MCCC2: variants seen among roughly 807,000 people sequenced by gnomAD.
The protein encoded by MCCC2 is methylcrotonoyl-CoA carboxylase beta chain, mitochondrial.
Under a neutral mutation model 77.2 loss-of-function variants are expected in MCCC2, and 52 were observed. The observed-to-expected ratio is 0.67, with a 90% CI of 0.54 to 0.85. MCCC2 has a LOEUF of 0.85. Among genes scored for constraint, MCCC2 ranks in the 40% least tolerant of loss-of-function variants. The pLI, the probability that MCCC2 is intolerant of heterozygous loss-of-function variation, is 0.00. For synonymous variants in MCCC2, 253 were observed against 248.4 expected (o/e 1.02, Z -0.18); for missense variants, 682 against 703.2 (o/e 0.97, Z 0.34).
intron 7 of MCCC2, 149 bp from the exon 8 acceptor site, chr5:71,631,972 C>G: frequency 1.3e-6 from 1 of 755,398 alleles, no homozygotes; most frequent in South Asian, 1.4e-5. Flanking sequence ...TCCAGGTTTC[C>G]TAGGTGCATG....
At chr5:71,604,596 T>TA (rs201314582) in intron 6 of MCCC2, 128 bp downstream of exon 6, 9 of 752,180 alleles carry the variant, frequency 1.2e-5, no homozygotes, top group East Asian at 2.8e-5. Flanking sequence ...TTTTTTTTTT[T>TA]ATACTTTAGG....
At chr5:71,646,134 T>C (rs1385011921) in intron 12 of MCCC2, 77 bp from the exon 13 acceptor site, 1 of 1,241,946 alleles carries the variant, frequency 8.1e-7, no homozygotes, top group Non-Finnish European at 1.2e-6. Flanking sequence ...TTGGCTGAAG[T>C]TGTGGTGTTT....
intron 1 of MCCC2, among the ~76,000 whole-genome samples, chr5:71,588,903 C>G (rs1262211875): frequency 6.6e-6 from 1 of 151,998 alleles, no homozygotes; most frequent in Non-Finnish European, 1.5e-5. Flanking sequence ...ATCTTCCATG[C>G]AAAAGCCACA....
intron 15 of MCCC2, among the ~76,000 whole-genome samples, chr5:71,651,747 C>T (rs1264995172): frequency 6.6e-6 from 1 of 152,044 alleles, no homozygotes; most frequent in Non-Finnish European, 1.5e-5. Context: ...GATAGCTTTG[C>T]TTTTGTGCGA....
intron 1 of MCCC2, among the ~76,000 whole-genome samples, chr5:71,588,183 C>T (rs1744836771): frequency 6.6e-6 from 1 of 150,938 alleles, no homozygotes; most frequent in Non-Finnish European, 1.5e-5. Context: ...GCAGGGGAAT[C>T]GCTTGAACTT....
intron 12 of MCCC2, 99 bp downstream of exon 12, chr5:71,643,994 A>T: frequency 2.1e-6 from 3 of 1,438,298 alleles, no homozygotes; most frequent in Non-Finnish European, 1.9e-6. Flanking sequence ...AAAATGCTTA[A>T]CTAGATGCCT....
intron 8 of MCCC2, among the ~76,000 whole-genome samples, chr5:71,634,630 G>T (rs1746853574): frequency 6.6e-6 from 1 of 152,168 alleles, no homozygotes; most frequent in Non-Finnish European, 1.5e-5. Context: ...AAGGCCCCTT[G>T]GTCTAGCAGA....
chr5:71,640,748 C>G (rs1483390324), intron 10 of MCCC2, among the ~76,000 whole-genome samples: 1 of 152,256 alleles, frequency 6.6e-6, no homozygotes, highest in South Asian at 2.1e-4. Flanking sequence ...AGCAACCAGC[C>G]CTTGGAGCCT....
At position 71,657,109 on chromosome 5, in the gene MCCC2, G is replaced by A. The variant is rs1747602685; in HGVS notation, c.*249G>A. On this transcript the variant is annotated 3_prime_UTR_variant, in exon 17 of 17. Coordinates refer to ENST00000340941, the MANE Select transcript of MCCC2 (RefSeq NM_022132.5). ...CATAAAGCGGAGACAGTAATTTACG[G>A]TTATCCTTTCTGACCCACAAAGTAT... 1 of 432,232 alleles carries A rather than the reference G, an allele frequency of 2.3e-6. No individual in the cohort carries two copies. The highest frequency in any genetic ancestry group is 2.0e-5 in the African/African-American group (1 of 50,006). The allele number at this position is 432,232 out of a possible 1,614,324, so 26.8% of individuals were successfully genotyped here.
chr5:71,637,003 C>T lies in MCCC2; in HGVS notation c.999+1757C>T, dbSNP rs562007805. 4.6e-5 allele frequency among the ~76,000 whole-genome samples: 7 copies of T among 152,068 alleles called. No individual in the cohort carries two copies. The South Asian group carries it at 1.0e-3, about 23-fold the overall frequency. On this transcript the variant is annotated intron_variant, in intron 10 of 16. Coordinates refer to ENST00000340941, the MANE Select transcript of MCCC2 (RefSeq NM_022132.5). The stretch of plus-strand genomic sequence containing the variant: ...AGGTGATCCGCCCACCTCAGCCTTC[C>T]GAAGTGCTGGGATTACAGATGTGAG...
intron 1 of MCCC2, among the ~76,000 whole-genome samples, chr5:71,589,177 T>C (rs1309248752): frequency 1.3e-5 from 2 of 152,200 alleles, no homozygotes; most frequent in Non-Finnish European, 2.9e-5. Context: ...AATGGATGAC[T>C]TTGGAGTTTC....
Position 71,587,515 on chromosome 5 carries a change from G to A in MCCC2, c.90G>A (p.Ser30=), listed in dbSNP as rs559384926. The change falls in exon 1 of 17, where the codon TCG becomes TCA. Residue 30 remains serine, a synonymous_variant. Coordinates refer to ENST00000340941, the MANE Select transcript of MCCC2 (RefSeq NM_022132.5). ...PRAYHGDSVA[S]LGTQPDLGSA... ...CCTATCACGGGGACTCGGTGGCCTC[G>A]CTGGGCACCCAGCCGGACTTGGGCT... 4.6e-6 allele frequency: 7 copies of A among 1,538,188 alleles called. No homozygotes were observed. In the South Asian group the frequency reaches 5.9e-5, roughly 13 times the overall value.
In MCCC2 at chr5:71,646,246, T is replaced by C. The variant is rs780402148; in HGVS notation, c.1185T>C (p.Asn395=). ...TTGTCCAGTTATGCTGCCAAAGAAA[T>C]ATTCCTCTGCTGTTCCTTCAAAACA... ...THFVQLCCQR[N]IPLLFLQNIT... The change falls in exon 13 of 17, where the codon AAT becomes AAC. Residue 395 remains asparagine (N), a synonymous_variant. Transcript: ENST00000340941. 4 of 1,613,770 alleles carry C rather than the reference T, an allele frequency of 2.5e-6. No individual in the cohort carries two copies. In the African/African-American group the frequency reaches 4.0e-5, roughly 16 times the overall value.
chr5:71,590,109 A>AACACAC (rs145490017), intron 1 of MCCC2, among the ~76,000 whole-genome samples: 6 of 151,214 alleles, frequency 4.0e-5, no homozygotes, highest in African/African-American at 1.2e-4. Context: ...AGGTGATTAA[A>AACACAC]ACACACACAC....
At chr5:71,648,166 T>G (rs898299208) in intron 13 of MCCC2, among the ~76,000 whole-genome samples, 1 of 152,080 alleles carries the variant, frequency 6.6e-6, no homozygotes, top group African/African-American at 2.4e-5. Context: ...GAGGAACTGG[T>G]TGGGTTGAAT....
In MCCC2 at chr5:71,606,558, A is replaced by G. The variant is rs1745684706; in HGVS notation, c.624+2090A>G. On this transcript the variant is annotated intron_variant, in intron 6 of 16. Transcript: ENST00000340941. The stretch of plus-strand genomic sequence containing the variant: ...TGACTTCCTCTTTTCCTAATTGAAT[A>G]CCCTTTATTTCCTTCTCCTGCCTAA... Among the ~76,000 whole-genome samples, 3 of 113,130 alleles carry G rather than the reference A, an allele frequency of 2.7e-5. No individual in the cohort carries two copies. In the South Asian group the frequency reaches 1.0e-3, roughly 39 times the overall value. The allele number at this position is 113,130 out of a possible 152,430, so 74.2% of individuals were successfully genotyped here.
At chr5:71,641,144 A>AAAGTCTTGAAACAAG in intron 11 of MCCC2, 69 bp downstream of exon 11, 1 of 1,417,654 alleles carries the variant, frequency 7.1e-7, no homozygotes, top group Non-Finnish European at 1.0e-6. Context: ...CTCTTGTTTC[A>AAAGTCTTGAAACAAG]AGACTTTGAT....
At chr5:71,596,800 C>G (rs1484967148) in intron 3 of MCCC2, among the ~76,000 whole-genome samples, 3 of 151,930 alleles carry the variant, frequency 2.0e-5, no homozygotes, top group Non-Finnish European at 2.9e-5. Context: ...ATTAGCTGGG[C>G]ATGGTGGCAT....
intron 16 of MCCC2, among the ~76,000 whole-genome samples, chr5:71,654,504 G>A (rs1423221273): frequency 1.3e-5 from 2 of 151,974 alleles, no homozygotes; most frequent in East Asian, 1.9e-4. Context: ...ATAGAAAGCC[G>A]TATAAGAGGT....
Sources: allele counts gnomAD v4.1 joint callset (sites outside exome capture counted in the v4.1 genomes callset), GRCh38; gene constraint gnomAD v4.1.1; transcripts MANE v1.5; gene names NCBI Gene and HGNC (gene_info 2026-07-23, HGNC 2026-07-21).